Variants in ITPKB observed in about 807,000 individuals in gnomAD.
The protein encoded by ITPKB is IP3 3-kinase B.
Under a neutral mutation model 69.4 loss-of-function variants are expected in ITPKB, and 13 were observed. The observed-to-expected ratio is 0.19, with a 90% CI of 0.12 to 0.30. ITPKB has a LOEUF of 0.30. ITPKB is among the 10% of genes least tolerant of loss of function. ITPKB has a pLI of 1.00. For synonymous variants in ITPKB, 584 were observed against 513.7 expected (o/e 1.14, Z -1.85); for missense variants, 1,240 against 1,250.5 (o/e 0.99, Z 0.13).
intron 2 of ITPKB, among the ~76,000 whole-genome samples, chr1:226,721,066 G>A (rs1256428850): frequency 1.3e-5 from 2 of 150,130 alleles, no homozygotes; most frequent in Non-Finnish European, 3.0e-5. Context: ...AATATTGGCC[G>A]GGCGCAGTGG....
intron 2 of ITPKB, chr1:226,656,744 A>G (rs1669298301): frequency 6.6e-6 from 1 of 152,218 alleles, no homozygotes; most frequent in Non-Finnish European, 1.5e-5. Flanking sequence ...GGTTGGAACG[A>G]ACCTTTGTTC....
Position 226,736,640 on chromosome 1 carries a change from C to A in ITPKB, c.819G>T (p.Met273Ile). 6.2e-7 allele frequency: 1 copy of A among 1,613,556 alleles called. No individual in the cohort carries two copies. Among genetic ancestry groups the A allele is most frequent in the Middle Eastern group, 1.7e-4 (1 of 6,056 alleles). Residue 273 changes from methionine (M) to isoleucine (I), a missense_variant, in exon 2 of 8, where the codon ATG becomes ATT. Physicochemically the swap from Met to Ile is conservative, Grantham distance 10. Coordinates refer to ENST00000429204, the MANE Select transcript of ITPKB (RefSeq NM_002221.4). ...TAGGAGAGCCCCTTTTGTCAATTTC[C>A]ATAGCTGTGGGTGAGCCACAGCGGG... ...ASPRCGSPTA[M>I]EIDKRGSPTP... is the part of the protein sequence containing the mutation.
At chr1:226,684,754 C>T (rs1326365658) in intron 2 of ITPKB, among the ~76,000 whole-genome samples, 1 of 152,160 alleles carries the variant, frequency 6.6e-6, no homozygotes, top group East Asian at 1.9e-4. Flanking sequence ...GAAGGTTAAG[C>T]AGTCACTCAT....
intron 2 of ITPKB, among the ~76,000 whole-genome samples, chr1:226,649,888 A>C (rs1669153167): frequency 6.6e-6 from 1 of 152,182 alleles, no homozygotes; most frequent in African/African-American, 2.4e-5. Context: ...AAATATCCTT[A>C]AGTGAACTTT....
At chr1:226,706,833 C>T (rs540974021) in intron 2 of ITPKB, among the ~76,000 whole-genome samples, 4 of 152,296 alleles carry the variant, frequency 2.6e-5, no homozygotes, top group South Asian at 4.2e-4. Context: ...GTGTGTCAGT[C>T]GCCACTCTGT....
intron 2 of ITPKB, among the ~76,000 whole-genome samples, chr1:226,696,507 C>T (rs1656490557): frequency 6.6e-6 from 1 of 152,184 alleles, no homozygotes; most frequent in Admixed American, 6.5e-5. Context: ...CGAAATGGCA[C>T]ATGCCCGGCC....
chr1:226,648,625 A>G lies in ITPKB; in HGVS notation c.2032+47T>C, dbSNP rs563638565. 31 of 1,207,802 alleles carry G rather than the reference A, an allele frequency of 2.6e-5. No individual in the cohort carries two copies. The East Asian group carries it at 3.5e-4, about 14-fold the overall frequency. 74.8% of individuals were successfully genotyped at this position (1,207,802 alleles called of 1,614,324 possible). On this transcript the variant is annotated intron_variant, in intron 3 of 7. Coordinates refer to ENST00000429204, the MANE Select transcript of ITPKB (RefSeq NM_002221.4). ...AATGCAGCGTCCAGGGCACCTCCCCAGAGGGCTGAGCACCATGCTGGGAAA... is the reference window on the plus strand; with the variant it reads ...AATGCAGCGTCCAGGGCACCTCCCCGGAGGGCTGAGCACCATGCTGGGAAA...
In ITPKB at chr1:226,737,423, C is replaced by T. The variant is rs1272946303; in HGVS notation, c.36G>A (p.Val12=). ...AVYCYALNSL[V]IMNSANEMKS... is the part of the protein sequence containing the mutation. ...TCATCTCGTTGGCGCTATTCATGAT[C>T]ACCAGGCTATTGAGCGCATAGCAGT... The change falls in exon 2 of 8, where the codon GTG becomes GTA. Residue 12 remains valine, a synonymous_variant. Coordinates refer to ENST00000429204, the MANE Select transcript of ITPKB (RefSeq NM_002221.4). The T allele has an allele frequency of 1.2e-6, 2 of 1,611,392 alleles. No homozygotes were observed. The highest frequency in any genetic ancestry group is 2.2e-5 in the East Asian group (1 of 44,856).
At chr1:226,726,915 A>G (rs1436911185) in intron 2 of ITPKB, among the ~76,000 whole-genome samples, 7 of 152,134 alleles carry the variant, frequency 4.6e-5, no homozygotes, top group Admixed American at 4.6e-4. Flanking sequence ...GTGCCCAACA[A>G]AATCTCTTAG....
At chr1:226,639,301 A>C (rs1026349406) in intron 6 of ITPKB, among the ~76,000 whole-genome samples, 1 of 152,056 alleles carries the variant, frequency 6.6e-6, no homozygotes, top group African/African-American at 2.4e-5. Context: ...CAGGTGATCC[A>C]CCTGCCCCAG....
At chr1:226,726,608 C>T (rs986727573) in intron 2 of ITPKB, among the ~76,000 whole-genome samples, 1 of 151,986 alleles carries the variant, frequency 6.6e-6, no homozygotes, top group Non-Finnish European at 1.5e-5. Flanking sequence ...CTGGAGAGAT[C>T]GAGGCTGCAG....
chr1:226,718,171 G>A (rs533476031), intron 2 of ITPKB, among the ~76,000 whole-genome samples: 1 of 152,034 alleles, frequency 6.6e-6, no homozygotes, highest in East Asian at 1.9e-4. Context: ...GCGGGCACCT[G>A]TAGTCCCAGC....
intron 2 of ITPKB, among the ~76,000 whole-genome samples, chr1:226,702,201 G>T (rs1315422910): frequency 6.6e-6 from 1 of 152,092 alleles, no homozygotes; most frequent in Non-Finnish European, 1.5e-5. Flanking sequence ...TTCAAGACCA[G>T]CCTGGCCAAC....
chr1:226,722,658 C>G (rs546256343), intron 2 of ITPKB, among the ~76,000 whole-genome samples: 1 of 151,408 alleles, frequency 6.6e-6, no homozygotes, highest in African/African-American at 2.4e-5. Flanking sequence ...AACACTGCCA[C>G]GTGCTAACAA....
Position 226,637,816 on chromosome 1 carries a change from T to G in ITPKB, c.2554-66A>C. 8.2e-7 allele frequency: 1 copy of G among 1,226,426 alleles called. No individual in the cohort carries two copies. Among genetic ancestry groups the G allele is most frequent in the Non-Finnish European group, 1.2e-6 (1 of 837,772 alleles). 76.0% of individuals were successfully genotyped at this position (1,226,426 alleles called of 1,614,324 possible). A position where few individuals can be genotyped will look rare whatever the true frequency, so the allele number is the denominator to read the frequency against. On this transcript the variant is annotated intron_variant, in intron 6 of 7. Coordinates refer to ENST00000429204, the MANE Select transcript of ITPKB (RefSeq NM_002221.4). The surrounding 1 kb of genome is among the most constrained non-coding windows in gnomAD (Gnocchi z 4.3). ...GGGAAGGGCAGTGTCAGAACACCCA[T>G]GCGGCCTCTAGTGGTCCCTCCCGTG...
intron 2 of ITPKB, among the ~76,000 whole-genome samples, chr1:226,655,436 C>T (rs1426399845): frequency 6.6e-6 from 1 of 152,236 alleles, no homozygotes; most frequent in East Asian, 1.9e-4. Context: ...GGCCTGCTCA[C>T]AGCCAATGAC....
chr1:226,632,657 A>C lies in ITPKB; in HGVS notation c.*2014T>G, dbSNP rs1668750843. On this transcript the variant is annotated 3_prime_UTR_variant, in exon 8 of 8. Transcript: ENST00000429204. The stretch of plus-strand genomic sequence containing the variant: ...GCCCCATGGGCCTCCTTTAATAAGC[A>C]CATCATTTGCATATTAGCACATTGT... 6.5e-6 allele frequency: 1 copy of C among 152,690 alleles called. No individual in the cohort carries two copies. The highest frequency in any genetic ancestry group is 2.4e-5 in the African/African-American group (1 of 41,472). 9.5% of individuals were successfully genotyped at this position (152,690 alleles called of 1,614,324 possible). A position where few individuals can be genotyped will look rare whatever the true frequency, so the allele number is the denominator to read the frequency against.
chr1:226,723,713 G>C (rs1328438019), intron 2 of ITPKB, among the ~76,000 whole-genome samples: 2 of 152,148 alleles, frequency 1.3e-5, no homozygotes, highest in African/African-American at 4.8e-5. Flanking sequence ...CACCCCAAAT[G>C]CTGGGCATTT....
intron 2 of ITPKB, among the ~76,000 whole-genome samples, chr1:226,670,175 CAAAAAAAAAAAAAAA>C (rs35767912): frequency 3.1e-5 from 1 of 32,002 alleles, no homozygotes; most frequent in African/African-American, 1.1e-4. Flanking sequence ...AGCTCCGCCG[CAAAAAAAAAAAAAAA>C]AAAAAAAAAA....
Sources: gnomAD v4.1 joint callset for allele counts (sites outside exome capture counted in the v4.1 genomes callset) on GRCh38, gnomAD v4.1.1 for gene constraint, Gnocchi (gnomAD v3.1) non-coding constraint, MANE v1.5 for transcripts, NCBI Gene and HGNC (gene_info 2026-07-23, HGNC 2026-07-21) for gene names.